EYS: variants seen among roughly 807,000 people sequenced by gnomAD.
The protein encoded by EYS is EGF-like photoreceptor maintenance factor.
Under a neutral mutation model 282.1 loss-of-function variants are expected in EYS, and 250 were observed. The ratio of observed to expected loss-of-function variants is 0.89; its 90% CI spans 0.80 to 0.98. The LOEUF (loss-of-function observed/expected upper bound fraction) is 0.98. EYS is among the 50% of genes least tolerant of loss of function. The pLI, the probability that EYS is intolerant of heterozygous loss-of-function variation, is 0.00. For missense variants in EYS, 4,016 were observed against 3,709.0 expected, an observed-to-expected ratio of 1.08 and a Z score of -2.15; for synonymous variants, 1,355 against 1,282.9, an observed-to-expected ratio of 1.06 and a Z score of -1.20.
intron 2 of EYS, among the ~76,000 whole-genome samples, chr6:65,512,547 C>T (rs1766936989): frequency 6.7e-6 from 1 of 148,586 alleles, no homozygotes; most frequent in African/African-American, 2.5e-5. Context: ...TATAAAAATG[C>T]TTCTTCACAA....
intron 12 of EYS, among the ~76,000 whole-genome samples, chr6:65,124,658 G>T (rs1177435741): frequency 6.6e-6 from 1 of 152,104 alleles, no homozygotes; most frequent in African/African-American, 2.4e-5. Context: ...AATGCAGATA[G>T]TTCTCTTCAT....
chr6:64,230,600 CAGAAGCGGCCAG>C lies in EYS; in HGVS notation c.6404_6415del (p.Thr2135_Cys2139delinsSer). On this transcript the variant is annotated inframe_deletion, in exon 31 of 43. Coordinates refer to ENST00000503581, the MANE Select transcript of EYS (RefSeq NM_001142800.2). ...TAATGAAGATTGATTACCTTTTTCA[CAGAAGCGGCCAG>C]TGAAATGTAGTGGACAGTCACATTG... The C allele has an allele frequency of 1.3e-6, 2 of 1,543,586 alleles. No homozygotes were observed. Among genetic ancestry groups the C allele is most frequent in the South Asian group, 2.4e-5 (2 of 83,780 alleles).
intron 22 of EYS, among the ~76,000 whole-genome samples, chr6:64,722,613 A>T (rs1358657544): frequency 1.3e-5 from 2 of 152,104 alleles, no homozygotes; most frequent in Non-Finnish European, 2.9e-5. Context: ...TACTTTACAT[A>T]AATATACAAC....
At chr6:64,508,917 T>C (rs946243946) in intron 26 of EYS, among the ~76,000 whole-genome samples, 1 of 151,980 alleles carries the variant, frequency 6.6e-6, no homozygotes, top group African/African-American at 2.4e-5. Flanking sequence ...ATGTTTATGC[T>C]TTTAGCCAGA....
chr6:64,552,160 C>T (rs539389944), intron 26 of EYS, among the ~76,000 whole-genome samples: 2 of 152,148 alleles, frequency 1.3e-5, no homozygotes, highest in African/African-American at 2.4e-5. Context: ...ATACCTCCCT[C>T]CTGTTGGATT....
At chr6:64,999,663 G>A (rs1036886613) in intron 13 of EYS, among the ~76,000 whole-genome samples, 1 of 152,176 alleles carries the variant, frequency 6.6e-6, no homozygotes, top group African/African-American at 2.4e-5. Flanking sequence ...TGGATGTAGT[G>A]AGAAACACAT....
chr6:65,396,891 C>T (rs1766298342), intron 7 of EYS, among the ~76,000 whole-genome samples: 1 of 151,796 alleles, frequency 6.6e-6, no homozygotes, highest in Non-Finnish European at 1.5e-5. Flanking sequence ...GCCATCCTAT[C>T]TAAGCTAACT....
chr6:64,934,450 T>G (rs1768836000), intron 15 of EYS, among the ~76,000 whole-genome samples: 1 of 151,834 alleles, frequency 6.6e-6, no homozygotes, highest in African/African-American at 2.4e-5. Context: ...TGAAAGAGAT[T>G]GAAAGTTAAT....
At chr6:64,109,231 A>C (rs2150265047) in intron 31 of EYS, among the ~76,000 whole-genome samples, 1 of 152,152 alleles carries the variant, frequency 6.6e-6, no homozygotes, top group African/African-American at 2.4e-5. Context: ...CTTTCCTCCC[A>C]ATTTTATGCA....
intron 22 of EYS, among the ~76,000 whole-genome samples, chr6:64,661,612 A>T (rs972047536): frequency 6.6e-6 from 1 of 151,752 alleles, no homozygotes. Context: ...ACATTTATGC[A>T]GCCAAAAGAC....
At chr6:65,609,543 A>C (rs561001286) in intron 2 of EYS, among the ~76,000 whole-genome samples, 5 of 152,078 alleles carry the variant, frequency 3.3e-5, no homozygotes, top group Non-Finnish European at 7.4e-5. Flanking sequence ...TTTCACTTAC[A>C]CTGAATATCA....
At chr6:65,704,022 G>A (rs1769779441) in intron 1 of EYS, among the ~76,000 whole-genome samples, 1 of 152,072 alleles carries the variant, frequency 6.6e-6, no homozygotes, top group Non-Finnish European at 1.5e-5. Context: ...GAAGAGCCAT[G>A]GAAGCAATAT....
At chr6:64,093,039 G>T (rs1772430839) in intron 31 of EYS, among the ~76,000 whole-genome samples, 1 of 152,076 alleles carries the variant, frequency 6.6e-6, no homozygotes, top group Admixed American at 6.5e-5. Context: ...GTTTTTCTCA[G>T]ATTTGTCAAA....
chr6:65,578,229 T>C lies in EYS; in HGVS notation c.-333+61549A>G, dbSNP rs1345895517. On this transcript the variant is annotated intron_variant, in intron 2 of 42. Transcript: ENST00000503581. ...TGAAAATATATATATATACACACAA[T>C]AGAATACTACTTAGCCTTTAAAAAG... is the stretch of plus-strand genomic sequence containing the variant. 2.0e-5 allele frequency among the ~76,000 whole-genome samples: 3 copies of C among 149,040 alleles called. No homozygotes were observed. The South Asian group carries it at 6.4e-4, about 32-fold the overall frequency.
chr6:65,598,534 T>C (rs892992159), intron 2 of EYS, among the ~76,000 whole-genome samples: 5 of 152,116 alleles, frequency 3.3e-5, no homozygotes, highest in Non-Finnish European at 5.9e-5. Context: ...AGCAGAATGA[T>C]CTGGATAGCT....
intron 33 of EYS, among the ~76,000 whole-genome samples, chr6:64,062,271 G>A (rs1771203011): frequency 6.6e-6 from 1 of 152,206 alleles, no homozygotes; most frequent in Non-Finnish European, 1.5e-5. Context: ...AAAGGCAATC[G>A]TAAATCCAGG....
chr6:64,590,675 G>C lies in EYS; in HGVS notation c.5192C>G (p.Ser1731Cys). ...TGGGTGAAGTTTGAACAGTGTATGA[G>C]ATCCTTTACTTTTTTCCATGTCCAA... The part of the protein sequence containing the change: ...SLLDMEKSKG[S>C]HTLFKLHPSD... The change falls in exon 26 of 43, where the codon TCT becomes TGT. Residue 1731 changes from serine to cysteine, a missense_variant. Ser to Cys is a moderately radical substitution (Grantham distance 112, BLOSUM62 -1). Transcript: ENST00000503581. 2 of 1,551,238 alleles carry C rather than the reference G, an allele frequency of 1.3e-6. No homozygotes were observed. Among genetic ancestry groups the C allele is most frequent in the Non-Finnish European group, 1.7e-6 (2 of 1,146,710 alleles).
intron 14 of EYS, among the ~76,000 whole-genome samples, chr6:64,992,706 G>T (rs1201871493): frequency 1.3e-5 from 2 of 151,878 alleles, no homozygotes; most frequent in Non-Finnish European, 2.9e-5. Flanking sequence ...TGGAACTCCG[G>T]AGCTCTGATA....
chr6:64,655,539 G>C (rs1768714158), intron 22 of EYS, among the ~76,000 whole-genome samples: 1 of 151,826 alleles, frequency 6.6e-6, no homozygotes, highest in Admixed American at 6.6e-5. Flanking sequence ...GAAAAAAAGG[G>C]AAACAGACAT....
Sources: allele counts gnomAD v4.1 joint callset (sites outside exome capture counted in the v4.1 genomes callset), GRCh38; gene constraint gnomAD v4.1.1; transcripts MANE v1.5; gene names NCBI Gene and HGNC (gene_info 2026-07-23, HGNC 2026-07-21).